Variants in SLCO3A1 observed in about 807,000 individuals in gnomAD.
SLCO3A1 encodes the protein solute carrier organic anion transporter family member 3A1.
SLCO3A1 carries 27 observed loss-of-function variants against 63.1 expected under a neutral mutation model. That is an observed-to-expected ratio of 0.43 (90% CI 0.32 to 0.59). The LOEUF (loss-of-function observed/expected upper bound fraction) is 0.59. Ranked by LOEUF, SLCO3A1 falls within the 20% of genes least tolerant of loss-of-function variation. The pLI, the probability that SLCO3A1 is intolerant of heterozygous loss-of-function variation, is 0.09. For synonymous variants in SLCO3A1, 473 were observed against 409.9 expected (o/e 1.15, Z -1.86); for missense variants, 773 against 945.8 (o/e 0.82, Z 2.40).
chr15:92,025,380 ATG>A (rs2151475151), intron 2 of SLCO3A1, among the ~76,000 whole-genome samples: 1 of 152,286 alleles, frequency 6.6e-6, no homozygotes, highest in African/African-American at 2.4e-5. Flanking sequence ...CTTGAGAGAA[ATG>A]TATGGGGGAC....
intron 1 of SLCO3A1, among the ~76,000 whole-genome samples, chr15:91,867,910 G>T (rs754922294): frequency 2.6e-5 from 4 of 152,216 alleles, no homozygotes; most frequent in Non-Finnish European, 5.9e-5. Context: ...GCATTTCTGC[G>T]CTGTTGCTCC....
intron 5 of SLCO3A1, among the ~76,000 whole-genome samples, chr15:92,123,105 C>T (rs1056925070): frequency 6.6e-6 from 1 of 152,154 alleles, no homozygotes; most frequent in Non-Finnish European, 1.5e-5. Flanking sequence ...CTGTGTACTT[C>T]ACAGGACATA....
In SLCO3A1 at chr15:91,875,988, G is replaced by C. The variant is rs993252455; in HGVS notation, c.180+21900G>C. Among the ~76,000 whole-genome samples the C allele has an allele frequency of 3.3e-5, 5 of 152,116 alleles. No homozygotes were observed. Among genetic ancestry groups the C allele is most frequent in the Non-Finnish European group, 7.4e-5 (5 of 68,020 alleles). On this transcript the variant is annotated intron_variant, in intron 1 of 9. Coordinates refer to ENST00000318445, the MANE Select transcript of SLCO3A1 (RefSeq NM_013272.4). This position sits in a 1 kb window ranked among gnomAD's most constrained non-coding sequence, Gnocchi z 4.5. ...AATCTTAAAGAATTCTTAGAGTTGT[G>C]GTCTCAGATCTCTAGATCCCAGAGA...
rs1183434061 is a variant in SLCO3A1 at position 92,153,865 on chromosome 15, G to C, written c.1753+2851G>C. On this transcript the variant is annotated intron_variant, in intron 9 of 9. Transcript: ENST00000318445. The stretch of plus-strand genomic sequence containing the variant: ...GAAGGCCCAGACTGGGGGGAAAGGG[G>C]GGACAGAAGAAGATGGAGCTGGAGA... Among the ~76,000 whole-genome samples the C allele has an allele frequency of 3.9e-5, 6 of 152,282 alleles. No homozygotes were observed. In the South Asian group the frequency reaches 1.2e-3, roughly 32 times the overall value.
At chr15:92,090,558 G>A (rs1283328936) in intron 2 of SLCO3A1, among the ~76,000 whole-genome samples, 1 of 152,188 alleles carries the variant, frequency 6.6e-6, no homozygotes, top group Non-Finnish European at 1.5e-5. Flanking sequence ...GCAAGCAGCA[G>A]ATCAGTGGGG....
rs542971054 is a variant in SLCO3A1, at chr15:91,871,276, TG to T, written c.180+17191del. Among the ~76,000 whole-genome samples, 80 of 152,330 alleles carry T rather than the reference TG, an allele frequency of 5.3e-4. 1 individual carries two copies. Among genetic ancestry groups the T allele is most frequent in the African/African-American group, 1.8e-3 (76 of 41,572 alleles). On this transcript the variant is annotated intron_variant, in intron 1 of 9. Transcript: ENST00000318445. Reference sequence around the variant, plus strand: ...AGTTGAGCTGTAGCAGGTCGTATGCTGGGTGCTGAGTAGGCTTGGCTAGATG... The same window carrying T: ...AGTTGAGCTGTAGCAGGTCGTATGCTGGTGCTGAGTAGGCTTGGCTAGATG...
chr15:91,970,000 G>C (rs1363065537), intron 2 of SLCO3A1, among the ~76,000 whole-genome samples: 1 of 152,182 alleles, frequency 6.6e-6, no homozygotes, highest in African/African-American at 2.4e-5. Flanking sequence ...TGATGAGCAA[G>C]GAAGTGTAGT....
intron 2 of SLCO3A1, among the ~76,000 whole-genome samples, chr15:92,051,107 T>A (rs71411126): frequency 6.6e-6 from 1 of 152,240 alleles, no homozygotes; most frequent in African/African-American, 2.4e-5. Flanking sequence ...AATTTTCTTG[T>A]GTTTTTCTCT....
chr15:92,116,750 G>A (rs1228474057), intron 4 of SLCO3A1, among the ~76,000 whole-genome samples: 1 of 152,206 alleles, frequency 6.6e-6, no homozygotes, highest in African/African-American at 2.4e-5. Flanking sequence ...TTGGAAGGTA[G>A]GCTGAACCTT....
intron 9 of SLCO3A1, among the ~76,000 whole-genome samples, chr15:92,151,591 C>T (rs560415519): frequency 6.6e-6 from 1 of 152,246 alleles, no homozygotes; most frequent in African/African-American, 2.4e-5. Context: ...TGAGATAGTC[C>T]ATGGTTCACC....
chr15:92,151,240 A>G, intron 9 of SLCO3A1: 1 of 455,978 alleles, frequency 2.2e-6, no homozygotes, highest in South Asian at 3.4e-5. Context: ...TCTTCACGCC[A>G]CCGTGAATTC....
intron 2 of SLCO3A1, among the ~76,000 whole-genome samples, chr15:92,037,226 T>C (rs2046739428): frequency 6.6e-6 from 1 of 152,202 alleles, no homozygotes; most frequent in Non-Finnish European, 1.5e-5. Context: ...TTGGTAACAA[T>C]GTTCATGCCA....
chr15:92,101,074 C>T (rs897780502), intron 3 of SLCO3A1, among the ~76,000 whole-genome samples: 1 of 152,212 alleles, frequency 6.6e-6, no homozygotes, highest in African/African-American at 2.4e-5. Context: ...TAACATCTAC[C>T]ACACCGTCCT....
chr15:91,995,967 G>A (rs2046187341), intron 2 of SLCO3A1, among the ~76,000 whole-genome samples: 1 of 151,986 alleles, frequency 6.6e-6, no homozygotes, highest in African/African-American at 2.4e-5. Context: ...TTTATAATAG[G>A]AATGATTTAA....
chr15:92,019,397 C>A (rs7171137), intron 2 of SLCO3A1, among the ~76,000 whole-genome samples: 64,377 of 152,046 alleles, frequency 0.42, 14,294 homozygotes, highest in East Asian at 0.57. Context: ...GTAGCTCTTC[C>A]ATGCTAAGTG....
intron 2 of SLCO3A1, among the ~76,000 whole-genome samples, chr15:92,070,844 A>T (rs1196837539): frequency 6.6e-6 from 1 of 152,184 alleles, no homozygotes; most frequent in Non-Finnish European, 1.5e-5. Context: ...TCCACCATTT[A>T]AAAACATCTG....
At position 92,145,717 on chromosome 15, in the gene SLCO3A1, T is replaced by A. The variant is rs372867523; in HGVS notation, c.1513-1267T>A. On this transcript the variant is annotated intron_variant, in intron 7 of 9. Transcript: ENST00000318445. The stretch of plus-strand genomic sequence containing the variant: ...AGAGGGGCGGGGCCTCGGGATCTTC[T>A]GGGAATTACAATAAATGCCCCTGGG... 2.0e-5 allele frequency among the ~76,000 whole-genome samples: 3 copies of A among 152,182 alleles called. No homozygotes were observed. In the East Asian group the frequency reaches 5.8e-4, roughly 29 times the overall value.
chr15:92,098,803 C>T lies in SLCO3A1; in HGVS notation c.745+3824C>T, dbSNP rs1190391334. Among the ~76,000 whole-genome samples, 5 of 152,144 alleles carry T rather than the reference C, an allele frequency of 3.3e-5. No individual in the cohort carries two copies. The South Asian group carries it at 6.2e-4, about 19-fold the overall frequency. On this transcript the variant is annotated intron_variant, in intron 3 of 9. Transcript: ENST00000318445. Reference sequence around the variant, plus strand: ...ATGAGTTCTGTGATCCTGGGGACATCGCACACACATCCTGAGTCTGTGTGT... The same window carrying T: ...ATGAGTTCTGTGATCCTGGGGACATTGCACACACATCCTGAGTCTGTGTGT...
Position 92,107,356 on chromosome 15 carries a change from A to G in SLCO3A1, c.1009+2814A>G, listed in dbSNP as rs143516375. Among the ~76,000 whole-genome samples, 236 of 152,348 alleles carry G rather than the reference A, an allele frequency of 1.5e-3. 1 individual carries two copies. Among genetic ancestry groups the G allele is most frequent in the African/African-American group, 5.4e-3 (223 of 41,580 alleles). On this transcript the variant is annotated intron_variant, in intron 4 of 9. Coordinates refer to ENST00000318445, the MANE Select transcript of SLCO3A1 (RefSeq NM_013272.4). ...AAACACATTTTACACATGCCAGTGC[A>G]TGAAGTGGGGCCACAGTCGTTTACA...
Sources: gnomAD v4.1 joint callset for allele counts (sites outside exome capture counted in the v4.1 genomes callset) on GRCh38, gnomAD v4.1.1 for gene constraint, Gnocchi (gnomAD v3.1) non-coding constraint, MANE v1.5 for transcripts, NCBI Gene and HGNC (gene_info 2026-07-23, HGNC 2026-07-21) for gene names.